The following DPY19L2 variants were observed in gnomAD, a reference collection of about 807,000 sequenced individuals.
DPY19L2 encodes the protein probable C-mannosyltransferase DPY19L2.
Under a neutral mutation model 97.9 loss-of-function variants are expected in DPY19L2, and 34 were observed. The ratio of observed to expected loss-of-function variants is 0.35; its 90% confidence interval spans 0.26 to 0.46. The LOEUF (loss-of-function observed/expected upper bound fraction) is 0.46, where lower values mean the gene tolerates loss of function less well. Among genes scored for constraint, DPY19L2 ranks in the 20% least tolerant of loss-of-function variants. DPY19L2 has a pLI of 1.00. For missense variants in DPY19L2, 623 were observed against 911.4 expected, an observed-to-expected ratio of 0.68 and a Z score of 4.07; for synonymous variants, 230 against 307.9, an observed-to-expected ratio of 0.75 and a Z score of 2.65.
chr12:63,598,438 G>A (rs1444132372), intron 13 of DPY19L2, among the ~76,000 whole-genome samples: 8 of 151,936 alleles, frequency 5.3e-5, no homozygotes, highest in Admixed American at 1.3e-4. Context: ...TTATACATAC[G>A]ACTTTGATCT....
intron 21 of DPY19L2, among the ~76,000 whole-genome samples, chr12:63,563,125 T>C (rs1252138342): frequency 6.6e-6 from 1 of 152,082 alleles, no homozygotes; most frequent in Non-Finnish European, 1.5e-5. Flanking sequence ...TGGGTTGTTT[T>C]CTTATTATTG....
At chr12:63,587,512 A>C (rs1447858980) in intron 16 of DPY19L2, among the ~76,000 whole-genome samples, 6 of 150,880 alleles carry the variant, frequency 4.0e-5, no homozygotes, top group Non-Finnish European at 5.9e-5. Context: ...AGTTAATTTT[A>C]AAGGCAAAAT....
intron 6 of DPY19L2, among the ~76,000 whole-genome samples, 155 bp from the exon 7 acceptor site, chr12:63,626,681 T>A (rs924798098): frequency 8.5e-5 from 13 of 152,192 alleles, no homozygotes; most frequent in African/African-American, 2.9e-4. Context: ...GAAGTTTAAA[T>A]CCTGAATGTA....
chr12:63,627,472 TC>T (rs1317203049), intron 6 of DPY19L2, among the ~76,000 whole-genome samples: 1 of 152,026 alleles, frequency 6.6e-6, no homozygotes, highest in African/African-American at 2.4e-5. Context: ...TGCCTCAGCC[TC>T]CCGAGTAGCT....
At chr12:63,654,531 G>A (rs1894704178) in intron 4 of DPY19L2, among the ~76,000 whole-genome samples, 1 of 150,828 alleles carries the variant, frequency 6.6e-6, no homozygotes, top group Non-Finnish European at 1.5e-5. Flanking sequence ...TAACAATTAA[G>A]AGATATATTG....
At chr12:63,613,986 T>C (rs181234894) in intron 11 of DPY19L2, among the ~76,000 whole-genome samples, 17 of 151,614 alleles carry the variant, frequency 1.1e-4, no homozygotes, top group Non-Finnish European at 5.9e-5. Context: ...GGTCAGGAGT[T>C]TGAGACCAGC....
Position 63,597,891 on chromosome 12 carries a change from A to G in DPY19L2, c.1379T>C (p.Ile460Thr). 1.9e-6 allele frequency: 3 copies of G among 1,600,036 alleles called. No individual in the cohort carries two copies. Among genetic ancestry groups the G allele is most frequent in the East Asian group, 4.5e-5 (2 of 44,594 alleles). ...VSDHIRLSDL[I>T]AARILRYTDF... ...TGTATACCTTAAGATTCTGGCTGCT[A>G]TAAGATCACTCAGGCGAATCTGGGA... is the stretch of plus-strand genomic sequence containing the variant. The change falls in exon 14 of 22, where the codon ATA becomes ACA. Residue 460 changes from isoleucine (I) to threonine (T), a missense_variant. By Grantham distance (89) the Ile-to-Thr change is moderately conservative. Around this residue, in one of 6 missense-constraint regions of DPY19L2, gnomAD observed 294 missense variants for 446.2 expected, o/e 0.66. Coordinates refer to ENST00000324472, the MANE Select transcript of DPY19L2 (RefSeq NM_173812.5).
At chr12:63,587,585 A>G (rs1237113381) in intron 16 of DPY19L2, among the ~76,000 whole-genome samples, 1 of 147,798 alleles carries the variant, frequency 6.8e-6, no homozygotes, top group Non-Finnish European at 1.5e-5. Flanking sequence ...TATTATTATT[A>G]TTATTATTGA....
At chr12:63,621,098 G>C in intron 9 of DPY19L2, 140 bp downstream of exon 9, 1 of 533,778 alleles carries the variant, frequency 1.9e-6, no homozygotes, top group South Asian at 2.3e-5. Flanking sequence ...ATGCATGCTG[G>C]GCTTAATACC....
At chr12:63,588,745 C>CTTTTTTTT (rs913709153) in intron 16 of DPY19L2, among the ~76,000 whole-genome samples, 172 of 129,916 alleles carry the variant, frequency 1.3e-3, no homozygotes, top group East Asian at 5.6e-3. Flanking sequence ...AGGAAACTTT[C>CTTTTTTTT]TTTTTTTTTT....
At position 63,638,653 on chromosome 12, in the gene DPY19L2, G is replaced by A. The variant is rs545308815; in HGVS notation, c.803+5750C>T. On this transcript the variant is annotated intron_variant, in intron 6 of 21. Transcript: ENST00000324472. ...TAGGAATCCAACTCACAAGGGATGC[G>A]AAGGACCTCTTCAAGGAGAACCACA... Among the ~76,000 whole-genome samples the A allele has an allele frequency of 2.6e-5, 4 of 152,144 alleles. No individual in the cohort carries two copies. In the East Asian group the frequency reaches 5.8e-4, roughly 22 times the overall value.
At chr12:63,602,378 A>G (rs1048415758) in intron 12 of DPY19L2, among the ~76,000 whole-genome samples, 6 of 152,166 alleles carry the variant, frequency 3.9e-5, no homozygotes, top group Admixed American at 2.0e-4. Context: ...GATACCAGAG[A>G]AAGATGTGGG....
At chr12:63,581,976 T>C (rs1565712470) in intron 18 of DPY19L2, among the ~76,000 whole-genome samples, 2 of 141,120 alleles carry the variant, frequency 1.4e-5, no homozygotes, top group Non-Finnish European at 3.1e-5. Flanking sequence ...AATTTTTGTA[T>C]TTTTAGTAGA....
intron 16 of DPY19L2, among the ~76,000 whole-genome samples, chr12:63,584,886 TGAA>T (rs1472570135): frequency 3.3e-5 from 5 of 152,192 alleles, no homozygotes; most frequent in Admixed American, 1.3e-4. Context: ...CATGAAATTG[TGAA>T]GAAGAAGAAA....
intron 11 of DPY19L2, among the ~76,000 whole-genome samples, chr12:63,611,403 A>C (rs1886988313): frequency 6.6e-6 from 1 of 151,588 alleles, no homozygotes; most frequent in South Asian, 2.1e-4. Flanking sequence ...ATCAAAGTAA[A>C]CATTGCCAAG....
chr12:63,662,278 A>T (rs564116014), intron 3 of DPY19L2, among the ~76,000 whole-genome samples: 28 of 152,252 alleles, frequency 1.8e-4, no homozygotes, highest in African/African-American at 6.3e-4. Context: ...TCCCTAAAAA[A>T]TGCTATATGC....
chr12:63,627,855 C>G (rs917479172), intron 6 of DPY19L2, among the ~76,000 whole-genome samples: 4 of 152,050 alleles, frequency 2.6e-5, no homozygotes, highest in Non-Finnish European at 5.9e-5. Flanking sequence ...CAGCTTCACA[C>G]TTGGAAGATT....
At chr12:63,580,206 T>C (rs566880122) in intron 19 of DPY19L2, among the ~76,000 whole-genome samples, 25 of 152,180 alleles carry the variant, frequency 1.6e-4, no homozygotes, top group African/African-American at 5.8e-4. Context: ...TTTACAGAAT[T>C]AGAGGAGACA....
upstream of DPY19L2, chr12:63,668,604 C>T (rs998094250): frequency 8.7e-6 from 5 of 577,012 alleles, no homozygotes; most frequent in Middle Eastern, 4.5e-4. Flanking sequence ...TGTCCCCTCA[C>T]GTGCTCCCCA....
Sources: gnomAD v4.1 joint callset for allele counts (sites outside exome capture counted in the v4.1 genomes callset) on GRCh38, gnomAD v4.1.1 for gene constraint, gnomAD v4.1.1 regional missense constraint, MANE v1.5 for transcripts, NCBI Gene and HGNC (gene_info 2026-07-23, HGNC 2026-07-21) for gene names.